The following WDR45B variants were observed in gnomAD, a reference collection of about 807,000 sequenced individuals.
WDR45B encodes WD repeat domain 45B, also known as WD repeat domain phosphoinositide-interacting protein 3.
A neutral mutation model predicts 44.6 loss-of-function variants in WDR45B; 20 were observed. The observed-to-expected ratio is 0.45, with a 90% confidence interval of 0.32 to 0.65. The LOEUF (loss-of-function observed/expected upper bound fraction) is 0.65, where lower values mean the gene tolerates loss of function less well. Among genes scored for constraint, WDR45B ranks in the 30% least tolerant of loss-of-function variants. The probability of loss-of-function intolerance (pLI) is 0.05; values close to 1 mark genes in which losing one functional copy is unlikely to be tolerated. For synonymous variants in WDR45B, 169 were observed against 164.9 expected (o/e 1.02, Z -0.19); for missense variants, 323 against 430.2 (o/e 0.75, Z 2.20).
intron 4 of WDR45B, chr17:82,626,966 C>T (rs1007773654): frequency 2.7e-5 from 15 of 559,480 alleles, no homozygotes; most frequent in South Asian, 9.7e-5. Flanking sequence ...TCCACTGTGG[C>T]GCACGTCATC....
At chr17:82,624,719 A>C (rs561656794) in intron 5 of WDR45B, among the ~76,000 whole-genome samples, 1,672 of 151,334 alleles carry the variant, frequency 0.011, 9 homozygotes, top group Middle Eastern at 0.021. Context: ...CCTGGGTTCA[A>C]GTGATTCTCC....
At chr17:82,625,855 C>A (rs112172476) in intron 4 of WDR45B, 11,036 of 299,720 alleles carry the variant, frequency 0.037, 1,183 homozygotes, top group African/African-American at 0.22. Context: ...AGAATATCCT[C>A]GATCTGGCTC....
chr17:82,620,161 C>G (rs139993104), intron 6 of WDR45B, among the ~76,000 whole-genome samples: 3 of 152,188 alleles, frequency 2.0e-5, no homozygotes, highest in Non-Finnish European at 2.9e-5. Flanking sequence ...GGGCTGGGTG[C>G]GGTGGCTCAC....
chr17:82,619,979 C>T (rs553471281), intron 6 of WDR45B, among the ~76,000 whole-genome samples: 40 of 152,166 alleles, frequency 2.6e-4, no homozygotes, highest in African/African-American at 8.9e-4. Flanking sequence ...ACATTTGTAA[C>T]GGGGATTCTA....
intron 5 of WDR45B, 104 bp downstream of exon 5, chr17:82,625,285 G>A (rs994502546): frequency 3.3e-5 from 38 of 1,152,172 alleles, no homozygotes; most frequent in African/African-American, 1.2e-4. Context: ...GATTGCTCTC[G>A]CCAAGCACTT....
chr17:82,646,502 AAAAAAAAAAAC>A (rs1235017434), intron 1 of WDR45B, among the ~76,000 whole-genome samples: 3 of 147,342 alleles, frequency 2.0e-5, no homozygotes. Context: ...AAAAAAAAAA[AAAAAAAAAAAC>A]CCAAAACAAA....
chr17:82,639,746 G>A (rs2045884934), intron 2 of WDR45B, among the ~76,000 whole-genome samples: 1 of 150,872 alleles, frequency 6.6e-6, no homozygotes, highest in Admixed American at 6.6e-5. Context: ...AGGCTGCTGG[G>A]CTGTGTGTAG....
At position 82,617,338 on chromosome 17, in the gene WDR45B, T is replaced by C. The variant is rs1456876563; in HGVS notation, c.764A>G (p.His255Arg). The change falls in exon 8 of 10, where the codon CAT becomes CGT. Residue 255 changes from histidine (H) to arginine (R), a missense_variant. By Grantham distance (29) the His-to-Arg change is conservative. Transcript: ENST00000392325. Reference sequence around the variant, plus strand: ...TTTTGGATCTTCAGCTGCAAAAATATGCACTGTGCCGTGGTCGCTGGATAC... The same window carrying C: ...TTTTGGATCTTCAGCTGCAAAAATACGCACTGTGCCGTGGTCGCTGGATAC... ...ICVSSDHGTV[H>R]IFAAEDPKRN... The C allele has an allele frequency of 6.2e-7, 1 of 1,613,980 alleles. No homozygotes were observed.
chr17:82,643,954 TTC>T lies in WDR45B; in HGVS notation c.135_136del (p.Lys46ThrfsTer12). On this transcript the variant is annotated frameshift_variant, in exon 2 of 10. Coordinates refer to ENST00000392325, the MANE Select transcript of WDR45B (RefSeq NM_019613.4). LOFTEE classifies it high-confidence loss of function. ...AATGTCCCGTTAATTCTTACCTTGT[TTC>T]TCTTTTTCTTTTAGTGGATCAGTGT... is the stretch of plus-strand genomic sequence containing the variant. The T allele has an allele frequency of 1.2e-6, 2 of 1,614,050 alleles. No homozygotes were observed. Among genetic ancestry groups the T allele is most frequent in the Non-Finnish European group, 1.7e-6 (2 of 1,179,934 alleles).
At chr17:82,633,717 A>C (rs551864840) in intron 2 of WDR45B, among the ~76,000 whole-genome samples, 1 of 152,240 alleles carries the variant, frequency 6.6e-6, no homozygotes, top group South Asian at 2.1e-4. Context: ...GGTCCTCAAA[A>C]AATTAAAAAG....
At position 82,625,492 on chromosome 17, in the gene WDR45B, A is replaced by G; in HGVS notation, c.333-9T>C. The G allele has an allele frequency of 1.2e-6, 2 of 1,613,814 alleles. No individual in the cohort carries two copies. The highest frequency in any genetic ancestry group is 8.5e-7 in the Non-Finnish European group (1 of 1,179,688). On this transcript the variant is annotated splice_polypyrimidine_tract_variant and intron_variant, in intron 4 of 9. Coordinates refer to ENST00000392325, the MANE Select transcript of WDR45B (RefSeq NM_019613.4). ...CCAAAACCACCACAATTCTGGAAAGAAAAACATGATCAGAGTTGCTTTCCT... is the reference window on the plus strand; with the variant it reads ...CCAAAACCACCACAATTCTGGAAAGGAAAACATGATCAGAGTTGCTTTCCT...
At chr17:82,641,361 G>A (rs2143372330) in intron 2 of WDR45B, among the ~76,000 whole-genome samples, 1 of 152,322 alleles carries the variant, frequency 6.6e-6, no homozygotes, top group Non-Finnish European at 1.5e-5. Context: ...TTATGAGAGA[G>A]ACACATACAG....
In WDR45B at chr17:82,634,585, T is replaced by C. The variant is rs145921298; in HGVS notation, c.143-3563A>G. Among the ~76,000 whole-genome samples, 17 of 151,934 alleles carry C rather than the reference T, an allele frequency of 1.1e-4. No individual in the cohort carries two copies. In the East Asian group the frequency reaches 2.7e-3, roughly 24 times the overall value. ...AACTCAAGGCAGGGTCTGGAAGAGA[T>C]ACCCGCACACCCACGCTTGTAGCAG... On this transcript the variant is annotated intron_variant, in intron 2 of 9. Transcript: ENST00000392325.
chr17:82,639,589 C>A (rs896753329), intron 2 of WDR45B, among the ~76,000 whole-genome samples: 2 of 150,928 alleles, frequency 1.3e-5, no homozygotes, highest in African/African-American at 4.9e-5. Context: ...TCACCTGGCA[C>A]GCTGGGTGAG....
intron 6 of WDR45B, among the ~76,000 whole-genome samples, chr17:82,620,322 A>G (rs1423686063): frequency 6.6e-6 from 1 of 152,162 alleles, no homozygotes; most frequent in African/African-American, 2.4e-5. Flanking sequence ...TCACCCAGCT[A>G]CTCGGGAGGT....
At chr17:82,630,314 C>T (rs1192254581) in intron 3 of WDR45B, among the ~76,000 whole-genome samples, 2 of 151,588 alleles carry the variant, frequency 1.3e-5, no homozygotes, top group Admixed American at 6.6e-5. Flanking sequence ...GCCTACCTCC[C>T]GCCTCCCACC....
intron 1 of WDR45B, among the ~76,000 whole-genome samples, chr17:82,647,546 C>T (rs2045994942): frequency 6.6e-6 from 1 of 152,188 alleles, no homozygotes; most frequent in African/African-American, 2.4e-5. Context: ...TTAAATCATC[C>T]AGTGCTTACA....
At chr17:82,619,534 G>A (rs929129630) in intron 6 of WDR45B, among the ~76,000 whole-genome samples, 1 of 150,838 alleles carries the variant, frequency 6.6e-6, no homozygotes, top group African/African-American at 2.4e-5. Flanking sequence ...AAAGCAGCAC[G>A]GGAATCCGGC....
chr17:82,629,811 G>C (rs1266052956), intron 3 of WDR45B: 1 of 985,286 alleles, frequency 1.0e-6, no homozygotes, highest in Non-Finnish European at 1.2e-6. Flanking sequence ...TTTTGTGCCT[G>C]ATCTGACCTG....
Sources: gnomAD v4.1 joint callset for allele counts (sites outside exome capture counted in the v4.1 genomes callset) on GRCh38, gnomAD v4.1.1 for gene constraint, MANE v1.5 for transcripts, NCBI Gene and HGNC (gene_info 2026-07-23, HGNC 2026-07-21) for gene names.